VRK1: variants seen among roughly 807,000 people sequenced by gnomAD.
VRK1 encodes the protein serine/threonine-protein kinase VRK1.
In VRK1, 33 loss-of-function variants were observed where a neutral mutation model predicts 57.1. The observed-to-expected ratio is 0.58, with a 90% confidence interval of 0.44 to 0.77. The LOEUF (loss-of-function observed/expected upper bound fraction) is 0.77. VRK1 is among the 30% of genes least tolerant of loss of function. The pLI, the probability that VRK1 is intolerant of heterozygous loss-of-function variation, is 0.00. For missense variants in VRK1, 413 were observed against 477.3 expected, an observed-to-expected ratio of 0.87 and a Z score of 1.25; for synonymous variants, 137 against 147.8, an observed-to-expected ratio of 0.93 and a Z score of 0.53.
intron 7 of VRK1, among the ~76,000 whole-genome samples, chr14:96,854,580 G>A (rs145095857): frequency 6.6e-6 from 1 of 152,024 alleles, no homozygotes; most frequent in African/African-American, 2.4e-5. Flanking sequence ...ATATGCCCAC[G>A]AATAAGTATG....
intron 7 of VRK1, 44 bp from the exon 8 acceptor site, chr14:96,855,180 A>G (rs759629613): frequency 1.2e-6 from 2 of 1,613,562 alleles, no homozygotes; most frequent in Non-Finnish European, 1.7e-6. Context: ...TTATATGTGC[A>G]GTGATTTTGA....
intron 1 of VRK1, among the ~76,000 whole-genome samples, chr14:96,824,665 A>ATTT (rs55945612): frequency 7.2e-6 from 1 of 139,520 alleles, no homozygotes; most frequent in Non-Finnish European, 1.6e-5. Flanking sequence ...AAAAACATTA[A>ATTT]TTTTTTTTTT....
chr14:96,809,253 C>T (rs937885055), intron 1 of VRK1, among the ~76,000 whole-genome samples: 2 of 152,190 alleles, frequency 1.3e-5, no homozygotes, highest in Non-Finnish European at 1.5e-5. Context: ...TATTGGTTGA[C>T]AAAGACACAG....
At chr14:96,839,924 G>A (rs996188671) in intron 3 of VRK1, among the ~76,000 whole-genome samples, 3 of 152,040 alleles carry the variant, frequency 2.0e-5, no homozygotes, top group Non-Finnish European at 4.4e-5. Context: ...AGTGTTGACC[G>A]AACTTTGTAT....
At chr14:96,804,739 A>T (rs1885802391) in intron 1 of VRK1, among the ~76,000 whole-genome samples, 1 of 152,326 alleles carries the variant, frequency 6.6e-6, no homozygotes, top group South Asian at 2.1e-4. Flanking sequence ...GAAGAACAGG[A>T]TATAATCATG....
intron 1 of VRK1, among the ~76,000 whole-genome samples, chr14:96,817,036 G>A (rs545072223): frequency 1.3e-5 from 2 of 152,280 alleles, no homozygotes; most frequent in South Asian, 4.1e-4. Flanking sequence ...TGTTGTCTGA[G>A]GTTTGCTTTA....
At position 96,847,471 on chromosome 14, in the gene VRK1, G is replaced by A. The variant is rs1274371439; in HGVS notation, c.374+127G>A. On this transcript the variant is annotated intron_variant, in intron 5 of 12. Coordinates refer to ENST00000216639, the MANE Select transcript of VRK1 (RefSeq NM_003384.3). ...GGCCTCCCTCTGGAGTATGTGGAGT[G>A]TATGTGACAGAGAGGAATAAGATGT... 5.3e-6 allele frequency: 4 copies of A among 748,712 alleles called. No individual in the cohort carries two copies. In the African/African-American group the frequency reaches 7.0e-5, roughly 13 times the overall value. The allele number at this position is 748,712 out of a possible 1,614,324, so 46.4% of individuals were successfully genotyped here.
intron 4 of VRK1, 59 bp from the exon 5 acceptor site, chr14:96,847,198 T>TA (rs1887736222): frequency 2.1e-6 from 3 of 1,446,060 alleles, no homozygotes; most frequent in Non-Finnish European, 1.9e-6. Context: ...AATGATTTTT[T>TA]AAAAAATTAT....
At position 96,839,084 on chromosome 14, in the gene VRK1, G is replaced by GTTTTT. The variant is rs555020075; in HGVS notation, c.216+1282_216+1286dup. Reference sequence around the variant, plus strand: ...CCTTGGAGGCAACCACTTGTCTTGAGTTTTTTTTTTTTTTTTTTTGCCGTG... The same window carrying GTTTTT: ...CCTTGGAGGCAACCACTTGTCTTGAGTTTTTTTTTTTTTTTTTTTTTTTTGCCGTG... On this transcript the variant is annotated intron_variant, in intron 3 of 12. Transcript: ENST00000216639. Among the ~76,000 whole-genome samples, 11 of 112,392 alleles carry GTTTTT rather than the reference G, an allele frequency of 9.8e-5. 2 individuals carry two copies. Among genetic ancestry groups the GTTTTT allele is most frequent in the Non-Finnish European group, 1.8e-4 (10 of 54,164 alleles). 73.7% of individuals were successfully genotyped at this position (112,392 alleles called of 152,430 possible).
chr14:96,806,735 G>GT (rs1885894749), intron 1 of VRK1, among the ~76,000 whole-genome samples: 1 of 152,096 alleles, frequency 6.6e-6, no homozygotes, highest in African/African-American at 2.4e-5. Flanking sequence ...TTTTCACTTT[G>GT]ATATACCTGA....
chr14:96,859,010 T>A (rs947176256), intron 10 of VRK1: 1 of 152,210 alleles, frequency 6.6e-6, no homozygotes, highest in African/African-American at 2.4e-5. Flanking sequence ...CTGTTGAGTC[T>A]TCCAGTCCAC....
At chr14:96,814,747 T>G (rs1400671118) in intron 1 of VRK1, among the ~76,000 whole-genome samples, 1 of 152,202 alleles carries the variant, frequency 6.6e-6, no homozygotes, top group East Asian at 1.9e-4. Flanking sequence ...AGGAATGTTC[T>G]CATACAAGGT....
At chr14:96,801,363 C>A (rs1039623081) in intron 1 of VRK1, among the ~76,000 whole-genome samples, 8 of 152,044 alleles carry the variant, frequency 5.3e-5, no homozygotes, top group Non-Finnish European at 1.2e-4. Context: ...ATTGTGATTG[C>A]GTTTCACAAT....
At chr14:96,849,159 A>G (rs1343093837) in intron 5 of VRK1, among the ~76,000 whole-genome samples, 1 of 152,200 alleles carries the variant, frequency 6.6e-6, no homozygotes, top group Non-Finnish European at 1.5e-5. Flanking sequence ...TGAGCAAGGG[A>G]TGAGGTGACA....
At chr14:96,832,032 C>G (rs1467916076) in intron 1 of VRK1, among the ~76,000 whole-genome samples, 1 of 151,984 alleles carries the variant, frequency 6.6e-6, no homozygotes, top group African/African-American at 2.4e-5. Flanking sequence ...ATAAGAGACA[C>G]TTTTATTTAT....
At chr14:96,851,404 G>C (rs920248426) in intron 5 of VRK1, among the ~76,000 whole-genome samples, 1 of 152,140 alleles carries the variant, frequency 6.6e-6, no homozygotes, top group East Asian at 1.9e-4. Flanking sequence ...GCCTCCCAAA[G>C]TGCTGAGATT....
intron 11 of VRK1, among the ~76,000 whole-genome samples, chr14:96,874,304 G>A (rs1047114213): frequency 2.0e-5 from 3 of 152,108 alleles, no homozygotes; most frequent in Admixed American, 6.5e-5. Flanking sequence ...CCTGTGCACC[G>A]GCAGGAAAGA....
At chr14:96,830,897 A>G (rs1308969024) in intron 1 of VRK1, among the ~76,000 whole-genome samples, 1 of 152,068 alleles carries the variant, frequency 6.6e-6, no homozygotes, top group Non-Finnish European at 1.5e-5. Flanking sequence ...TATCCTTGTG[A>G]TGTTCACTTT....
intron 1 of VRK1, among the ~76,000 whole-genome samples, chr14:96,820,321 G>T (rs1886552426): frequency 6.6e-6 from 1 of 151,958 alleles, no homozygotes; most frequent in East Asian, 1.9e-4. Context: ...AATGACTGTA[G>T]AATGGTCAAC....
Sources: allele counts gnomAD v4.1 joint callset (sites outside exome capture counted in the v4.1 genomes callset), GRCh38; gene constraint gnomAD v4.1.1; transcripts MANE v1.5; gene names NCBI Gene and HGNC (gene_info 2026-07-23, HGNC 2026-07-21).